The following ASTN2 variants were observed in gnomAD, a reference collection of about 807,000 sequenced individuals.
The protein encoded by ASTN2 is astrotactin-2.
ASTN2 carries 54 observed loss-of-function variants against 139.8 expected under a neutral mutation model. That is an observed-to-expected ratio of 0.39 (90% CI 0.31 to 0.48). ASTN2 has a LOEUF of 0.48. Among genes scored for constraint, ASTN2 ranks in the 20% least tolerant of loss-of-function variants. The probability of loss-of-function intolerance (pLI) is 0.95; values close to 1 mark genes in which losing one functional copy is unlikely to be tolerated. For missense variants in ASTN2, 1,565 were observed against 1,725.1 expected, an observed-to-expected ratio of 0.91 and a Z score of 1.64; for synonymous variants, 756 against 719.5, an observed-to-expected ratio of 1.05 and a Z score of -0.81.
intron 7 of ASTN2, among the ~76,000 whole-genome samples, chr9:116,980,235 G>A (rs1836471741): frequency 6.6e-6 from 1 of 152,090 alleles, no homozygotes; most frequent in Non-Finnish European, 1.5e-5. Flanking sequence ...TAGAGCTGAT[G>A]TAAGAAGTAA....
At chr9:116,977,695 A>C (rs894549335) in intron 7 of ASTN2, among the ~76,000 whole-genome samples, 4 of 147,988 alleles carry the variant, frequency 2.7e-5, no homozygotes, top group Admixed American at 2.1e-4. Flanking sequence ...CTGTATACTT[A>C]AGGTATAGAA....
chr9:116,437,311 A>G (rs1306056041), intron 22 of ASTN2: 4 of 471,202 alleles, frequency 8.5e-6, no homozygotes, highest in Non-Finnish European at 1.3e-5. Context: ...TATTAGCAGC[A>G]CCAGGATAGA....
intron 19 of ASTN2, among the ~76,000 whole-genome samples, chr9:116,565,164 T>C (rs1853117203): frequency 6.6e-6 from 1 of 151,090 alleles, no homozygotes. Flanking sequence ...CACATGCATG[T>C]ATATATGACT....
At chr9:117,389,696 G>A (rs1456887405) in intron 1 of ASTN2, among the ~76,000 whole-genome samples, 3 of 152,092 alleles carry the variant, frequency 2.0e-5, no homozygotes, top group African/African-American at 7.2e-5. Context: ...CAGTGAACAT[G>A]TACTGAGTAC....
intron 2 of ASTN2, among the ~76,000 whole-genome samples, chr9:117,229,287 C>T (rs1485401119): frequency 1.3e-5 from 2 of 152,158 alleles, no homozygotes; most frequent in Non-Finnish European, 2.9e-5. Flanking sequence ...TGCTGAACCT[C>T]GATCTGTTCC....
At chr9:116,827,084 C>T (rs945548862) in intron 11 of ASTN2, among the ~76,000 whole-genome samples, 3 of 151,718 alleles carry the variant, frequency 2.0e-5, no homozygotes, top group East Asian at 3.9e-4. Context: ...CTGAGGTGGG[C>T]GGATCACCTA....
chr9:116,714,617 C>A (rs1226380789), intron 16 of ASTN2, among the ~76,000 whole-genome samples: 1 of 152,148 alleles, frequency 6.6e-6, no homozygotes, highest in Non-Finnish European at 1.5e-5. Flanking sequence ...CCTAAAAGAC[C>A]TGACCTAAGT....
intron 4 of ASTN2, among the ~76,000 whole-genome samples, chr9:117,138,457 G>A: frequency 6.6e-6 from 1 of 152,202 alleles, no homozygotes; most frequent in East Asian, 1.9e-4. Flanking sequence ...GGAGCACAAG[G>A]AAGTGCAGAG....
chr9:116,779,453 G>C (rs538940830), intron 13 of ASTN2, among the ~76,000 whole-genome samples: 1 of 151,738 alleles, frequency 6.6e-6, no homozygotes, highest in Middle Eastern at 3.4e-3. Flanking sequence ...GCCTCCAGGA[G>C]CATGAAAAAA....
chr9:116,461,574 C>G (rs1848488422), intron 20 of ASTN2, among the ~76,000 whole-genome samples: 1 of 152,110 alleles, frequency 6.6e-6, no homozygotes, highest in South Asian at 2.1e-4. Flanking sequence ...CTTCCCTCTT[C>G]ATCTGGGACC....
intron 7 of ASTN2, among the ~76,000 whole-genome samples, chr9:116,984,065 T>A (rs113019225): frequency 0.024 from 3,649 of 152,350 alleles, 156 homozygotes; most frequent in African/African-American, 0.084. Context: ...TACCAGTTTC[T>A]TTCCTAATTG....
intron 16 of ASTN2, among the ~76,000 whole-genome samples, chr9:116,703,483 A>C (rs1827904251): frequency 6.6e-6 from 1 of 151,390 alleles, no homozygotes; most frequent in African/African-American, 2.4e-5. Context: ...AGAACAAAAA[A>C]CCAAACACCG....
chr9:116,982,329 A>G (rs1431899000), intron 7 of ASTN2, among the ~76,000 whole-genome samples: 2 of 152,208 alleles, frequency 1.3e-5, no homozygotes, highest in Non-Finnish European at 2.9e-5. Flanking sequence ...CAAGTGCTGT[A>G]CTTGAAAAAT....
At chr9:116,730,775 G>A (rs577772859) in intron 14 of ASTN2, among the ~76,000 whole-genome samples, 8 of 152,202 alleles carry the variant, frequency 5.3e-5, no homozygotes, top group Admixed American at 3.3e-4. Context: ...GTGGCATGAT[G>A]TCCAAACATA....
chr9:116,511,581 C>T (rs989556067), intron 19 of ASTN2, among the ~76,000 whole-genome samples: 13 of 152,120 alleles, frequency 8.5e-5, no homozygotes, highest in South Asian at 8.3e-4. Context: ...AGGAATGGTA[C>T]GAGCTCTGCC....
chr9:116,735,719 C>A (rs1017655085), intron 13 of ASTN2, among the ~76,000 whole-genome samples: 3 of 152,204 alleles, frequency 2.0e-5, no homozygotes, highest in African/African-American at 7.2e-5. Flanking sequence ...AGATCCCCAG[C>A]ACTTGTTTTC....
chr9:116,857,519 C>T (rs564769323), intron 11 of ASTN2, among the ~76,000 whole-genome samples: 31 of 152,164 alleles, frequency 2.0e-4, no homozygotes, highest in Middle Eastern at 3.4e-3. Flanking sequence ...AGGAATGTTG[C>T]GAAATAAATA....
At chr9:117,363,320 A>G (rs1829744884) in intron 1 of ASTN2, among the ~76,000 whole-genome samples, 1 of 152,240 alleles carries the variant, frequency 6.6e-6, no homozygotes, top group African/African-American at 2.4e-5. Context: ...AAAGAGAAAT[A>G]AAACAAATAC....
intron 6 of ASTN2, 31 bp downstream of exon 6, chr9:117,039,788 G>A: frequency 1.2e-6 from 2 of 1,605,824 alleles, no homozygotes; most frequent in South Asian, 1.1e-5. Flanking sequence ...TGCTGAGTGG[G>A]TGTGGAGCAT....
Sources: allele counts gnomAD v4.1 joint callset (sites outside exome capture counted in the v4.1 genomes callset), GRCh38; gene constraint gnomAD v4.1.1; transcripts MANE v1.5; gene names NCBI Gene and HGNC (gene_info 2026-07-23, HGNC 2026-07-21).